The following GABRG3 variants were observed in gnomAD, a reference collection of about 807,000 sequenced individuals.
GABRG3 encodes the protein gamma-aminobutyric acid receptor subunit gamma-3.
Under a neutral mutation model 48.8 loss-of-function variants are expected in GABRG3, and 25 were observed. That is an observed-to-expected ratio of 0.51 (90% CI 0.37 to 0.72). GABRG3 has a LOEUF of 0.72. Among genes scored for constraint, GABRG3 ranks in the 30% least tolerant of loss-of-function variants. GABRG3 has a pLI of 0.00. For missense variants in GABRG3, 394 were observed against 577.9 expected, an observed-to-expected ratio of 0.68 and a Z score of 3.26; for synonymous variants, 227 against 217.6, an observed-to-expected ratio of 1.04 and a Z score of -0.38.
chr15:27,501,183 C>A (rs1430606703), intron 6 of GABRG3, among the ~76,000 whole-genome samples: 1 of 152,100 alleles, frequency 6.6e-6, no homozygotes, highest in Non-Finnish European at 1.5e-5. Flanking sequence ...GATCTCCTGA[C>A]CTCGTGATCT....
rs1429010086 is a variant in GABRG3 at position 27,537,267 on chromosome 15, G to T, written c.*4386G>T. 6.6e-6 allele frequency: 1 copy of T among 152,088 alleles called. No homozygotes were observed. Among genetic ancestry groups the T allele is most frequent in the African/African-American group, 2.4e-5 (1 of 41,408 alleles). 9.4% of individuals were successfully genotyped at this position (152,088 alleles called of 1,614,324 possible). A position where few individuals can be genotyped will look rare whatever the true frequency, so the allele number is the denominator to read the frequency against. On this transcript the variant is annotated 3_prime_UTR_variant, in exon 10 of 10. Transcript: ENST00000615808. Reference sequence around the variant, plus strand: ...TATCATTTAACAGATATTCAGAAAGGTTCCGGAAATACGGGGGAAAGAACC... The same window carrying T: ...TATCATTTAACAGATATTCAGAAAGTTTCCGGAAATACGGGGGAAAGAACC...
At chr15:27,385,349 A>T (rs1320473924) in intron 5 of GABRG3, among the ~76,000 whole-genome samples, 2 of 150,690 alleles carry the variant, frequency 1.3e-5, no homozygotes, top group Non-Finnish European at 3.0e-5. Context: ...CTAGGTGTGG[A>T]TTGCATTGTG....
chr15:27,407,079 G>T (rs753121115), intron 5 of GABRG3, among the ~76,000 whole-genome samples: 1 of 151,922 alleles, frequency 6.6e-6, no homozygotes, highest in Non-Finnish European at 1.5e-5. Context: ...GGGCACGTGC[G>T]ACCACGGCCG....
chr15:27,435,647 G>A (rs1214575591), intron 5 of GABRG3, among the ~76,000 whole-genome samples: 1 of 152,152 alleles, frequency 6.6e-6, no homozygotes, highest in Non-Finnish European at 1.5e-5. Flanking sequence ...ATTTATGCTA[G>A]TCTCTCGTTA....
At chr15:27,184,956 A>G (rs564215837) in intron 3 of GABRG3, among the ~76,000 whole-genome samples, 168 of 151,728 alleles carry the variant, frequency 1.1e-3, no homozygotes, top group Non-Finnish European at 1.3e-3. Flanking sequence ...TTAGATGTTT[A>G]TTGTTTGCAT....
In GABRG3 at chr15:27,319,305, G is replaced by T. The variant is rs1054857408; in HGVS notation, c.271-7504G>T. The stretch of plus-strand genomic sequence containing the variant: ...TGATGTGGATGGGTGGCTCTTCTTA[G>T]TTCCTATCTGTAGAATGGGGATATT... On this transcript the variant is annotated intron_variant, in intron 3 of 9. Transcript: ENST00000615808. This position sits in a 1 kb window ranked among gnomAD's most constrained non-coding sequence, Gnocchi z 4.4. Among the ~76,000 whole-genome samples the T allele has an allele frequency of 1.3e-5, 2 of 152,162 alleles. No individual in the cohort carries two copies. Among genetic ancestry groups the T allele is most frequent in the African/African-American group, 4.8e-5 (2 of 41,436 alleles).
intron 2 of GABRG3, among the ~76,000 whole-genome samples, chr15:26,984,139 G>A (rs1182629280): frequency 6.6e-6 from 1 of 152,124 alleles, no homozygotes; most frequent in Non-Finnish European, 1.5e-5. Context: ...GGCCTGTCTT[G>A]AGGATAATGT....
intron 3 of GABRG3, among the ~76,000 whole-genome samples, chr15:27,143,080 T>G (rs187021266): frequency 1.7e-3 from 256 of 152,152 alleles, no homozygotes; most frequent in African/African-American, 5.7e-3. Context: ...ATTTATGTAT[T>G]TATTTATTTA....
At chr15:27,484,752 C>T in intron 6 of GABRG3, among the ~76,000 whole-genome samples, 1 of 152,146 alleles carries the variant, frequency 6.6e-6, no homozygotes, top group East Asian at 1.9e-4. Context: ...CAGCCACCTA[C>T]ACACAAAATC....
chr15:27,016,239 T>A (rs60292931), intron 2 of GABRG3, among the ~76,000 whole-genome samples: 7,828 of 112,910 alleles, frequency 0.069, 248 homozygotes, highest in East Asian at 0.18. Flanking sequence ...TTTCTTTCTT[T>A]CTTTTTTTTT....
chr15:27,217,049 T>C (rs1328148189), intron 3 of GABRG3, among the ~76,000 whole-genome samples: 7 of 148,738 alleles, frequency 4.7e-5, no homozygotes, highest in Admixed American at 4.1e-4. Context: ...GTTATTGCGA[T>C]AGTTTACTGA....
intron 5 of GABRG3, among the ~76,000 whole-genome samples, chr15:27,357,138 G>A (rs146145720): frequency 4.6e-5 from 7 of 152,180 alleles, no homozygotes; most frequent in Non-Finnish European, 8.8e-5. Context: ...TGATCACGGC[G>A]CCTCTCATTG....
At chr15:27,020,666 C>A (rs993246556) in intron 2 of GABRG3, among the ~76,000 whole-genome samples, 7 of 152,164 alleles carry the variant, frequency 4.6e-5, no homozygotes, top group African/African-American at 1.4e-4. Flanking sequence ...ATCCGCCCCC[C>A]TCTGCCTCCC....
chr15:27,296,292 AAAG>A lies in GABRG3; in HGVS notation c.271-30513_271-30511del, dbSNP rs148011984. Among the ~76,000 whole-genome samples the A allele has an allele frequency of 7.8e-3, 1,194 of 152,318 alleles. 18 individuals carry two copies. The highest frequency in any genetic ancestry group is 0.027 in the African/African-American group (1,139 of 41,560). Reference sequence around the variant, plus strand: ...TTTCTTTTTCTTTTAACTGACTGAAAAAGAAGTTGCATAAACAATATGTGTAGA... The same window carrying A: ...TTTCTTTTTCTTTTAACTGACTGAAAAAGTTGCATAAACAATATGTGTAGA... On this transcript the variant is annotated intron_variant, in intron 3 of 9. Coordinates refer to ENST00000615808, the MANE Select transcript of GABRG3 (RefSeq NM_033223.5).
intron 5 of GABRG3, among the ~76,000 whole-genome samples, chr15:27,358,708 C>T (rs142276661): frequency 2.8e-3 from 423 of 152,268 alleles, no homozygotes; most frequent in African/African-American, 9.1e-3. Context: ...AGAGAAAGTA[C>T]TGCATAAGAA....
intron 3 of GABRG3, among the ~76,000 whole-genome samples, chr15:27,324,489 A>G (rs968812697): frequency 2.6e-5 from 4 of 152,080 alleles, no homozygotes; most frequent in African/African-American, 4.8e-5. Flanking sequence ...TCTTGCCTCC[A>G]TTGTCTGGGA....
intron 3 of GABRG3, among the ~76,000 whole-genome samples, chr15:27,234,597 G>A (rs571038721): frequency 3.9e-5 from 6 of 152,168 alleles, no homozygotes; most frequent in South Asian, 2.1e-4. Context: ...TCTGGAGACC[G>A]CGGTGCTCTG....
chr15:27,384,218 A>T (rs554100053), intron 5 of GABRG3, among the ~76,000 whole-genome samples: 37 of 152,334 alleles, frequency 2.4e-4, no homozygotes, highest in African/African-American at 8.7e-4. Context: ...AATACCCAGG[A>T]TACAGCATCA....
At chr15:27,339,832 G>C (rs1180066541) in intron 5 of GABRG3, among the ~76,000 whole-genome samples, 1 of 152,148 alleles carries the variant, frequency 6.6e-6, no homozygotes, top group Non-Finnish European at 1.5e-5. Context: ...AGGATAAGAA[G>C]GGGACTTCTC....
Sources: allele counts gnomAD v4.1 joint callset (sites outside exome capture counted in the v4.1 genomes callset), GRCh38; gene constraint gnomAD v4.1.1; non-coding constraint Gnocchi (gnomAD v3.1); transcripts MANE v1.5; gene names NCBI Gene and HGNC (gene_info 2026-07-23, HGNC 2026-07-21).